Variants in TTC27 observed in about 807,000 individuals in gnomAD.
TTC27 encodes tetratricopeptide repeat domain 27.
A neutral mutation model predicts 115.9 loss-of-function variants in TTC27; 79 were observed. The observed-to-expected ratio is 0.68, with a 90% confidence interval of 0.57 to 0.82. The LOEUF is 0.82. Ranked by LOEUF, TTC27 falls within the 40% of genes least tolerant of loss-of-function variation. The probability of loss-of-function intolerance (pLI) is 0.00; values close to 1 mark genes in which losing one functional copy is unlikely to be tolerated. For synonymous variants in TTC27, 401 were observed against 356.0 expected (o/e 1.13, Z -1.42); for missense variants, 1,054 against 993.1 (o/e 1.06, Z -0.82).
At chr2:32,686,657 G>A (rs557580691) in intron 9 of TTC27, among the ~76,000 whole-genome samples, 3 of 151,772 alleles carry the variant, frequency 2.0e-5, no homozygotes, top group African/African-American at 2.4e-5. Context: ...CACCACGCCC[G>A]GCTGCTTCTG....
intron 10 of TTC27, among the ~76,000 whole-genome samples, chr2:32,708,304 G>GTTTTTTTTTTGTTTTT (rs1667450631): frequency 9.8e-5 from 6 of 61,348 alleles, no homozygotes; most frequent in Non-Finnish European, 1.6e-4. Context: ...TCTCTACCTT[G>GTTTTTTTTTTGTTTTT]TTTTTTTTTT....
intron 2 of TTC27, among the ~76,000 whole-genome samples, chr2:32,631,234 T>A (rs6716924): frequency 0.026 from 4,022 of 151,894 alleles, 111 homozygotes; most frequent in African/African-American, 0.073. Flanking sequence ...ACCTGGGAGG[T>A]GGAGGTTGTA....
At chr2:32,800,008 T>G (rs974686555) in intron 16 of TTC27, among the ~76,000 whole-genome samples, 1 of 152,338 alleles carries the variant, frequency 6.6e-6, no homozygotes, top group African/African-American at 2.4e-5. Context: ...CTGCGTCGCC[T>G]TGGGCAGGTT....
intron 12 of TTC27, among the ~76,000 whole-genome samples, chr2:32,753,418 C>T (rs1669084241): frequency 7.0e-6 from 1 of 143,656 alleles, no homozygotes; most frequent in Admixed American, 7.0e-5. Flanking sequence ...TCGGTTAATC[C>T]AATCAAATGC....
chr2:32,713,920 G>A (rs543945767), intron 10 of TTC27, among the ~76,000 whole-genome samples: 58 of 152,066 alleles, frequency 3.8e-4, no homozygotes, highest in African/African-American at 1.4e-3. Flanking sequence ...AGCTCCTTCC[G>A]CTCTCCACCC....
chr2:32,685,316 C>T (rs1445145971), intron 9 of TTC27, among the ~76,000 whole-genome samples: 1 of 152,114 alleles, frequency 6.6e-6, no homozygotes, highest in Non-Finnish European at 1.5e-5. Flanking sequence ...AGGCATGAGC[C>T]ACTGCGCCCA....
chr2:32,753,960 A>G (rs554097096), intron 12 of TTC27, among the ~76,000 whole-genome samples: 2 of 152,030 alleles, frequency 1.3e-5, no homozygotes, highest in South Asian at 4.2e-4. Flanking sequence ...CTGTAATCCC[A>G]GCTACTCGGG....
chr2:32,629,436 AT>A (rs999469925), intron 1 of TTC27, among the ~76,000 whole-genome samples: 1 of 150,116 alleles, frequency 6.7e-6, no homozygotes, highest in Non-Finnish European at 1.5e-5. Flanking sequence ...GCAATGATTT[AT>A]TTTTTTTATT....
At chr2:32,685,690 A>G (rs1006757025) in intron 9 of TTC27, among the ~76,000 whole-genome samples, 21 of 152,232 alleles carry the variant, frequency 1.4e-4, no homozygotes, top group Non-Finnish European at 1.0e-4. Context: ...CTTTCATTAT[A>G]AAAACTCTTA....
At chr2:32,670,706 C>G (rs1234502469) in intron 7 of TTC27, among the ~76,000 whole-genome samples, 1 of 152,120 alleles carries the variant, frequency 6.6e-6, no homozygotes, top group Non-Finnish European at 1.5e-5. Context: ...CAACCTCCAC[C>G]TCCCGGGTTC....
At chr2:32,706,471 A>G (rs1667372000) in intron 10 of TTC27, among the ~76,000 whole-genome samples, 1 of 152,156 alleles carries the variant, frequency 6.6e-6, no homozygotes, top group Non-Finnish European at 1.5e-5. Context: ...TTAAAAATAA[A>G]TCCACAGACA....
At chr2:32,753,786 C>G (rs1051082356) in intron 12 of TTC27, among the ~76,000 whole-genome samples, 11 of 152,102 alleles carry the variant, frequency 7.2e-5, no homozygotes, top group Admixed American at 7.2e-4. Context: ...TGAAACTGGG[C>G]CGGGCACAGT....
intron 10 of TTC27, among the ~76,000 whole-genome samples, chr2:32,726,780 A>T (rs1024861595): frequency 4.6e-5 from 7 of 152,200 alleles, no homozygotes; most frequent in Non-Finnish European, 8.8e-5. Flanking sequence ...GCTGATAAAG[A>T]CATGCCCAAG....
chr2:32,717,470 A>C (rs1254054061), intron 10 of TTC27, among the ~76,000 whole-genome samples: 1 of 151,986 alleles, frequency 6.6e-6, no homozygotes, highest in African/African-American at 2.4e-5. Context: ...TTCTCCACTG[A>C]TTTCTTTTTT....
At chr2:32,642,568 A>G (rs1177217725) in intron 4 of TTC27, among the ~76,000 whole-genome samples, 1 of 152,080 alleles carries the variant, frequency 6.6e-6, no homozygotes, top group Non-Finnish European at 1.5e-5. Flanking sequence ...TTGTTTTAAA[A>G]GAAGAGGTTA....
At chr2:32,655,422 A>G (rs904955127) in intron 5 of TTC27, among the ~76,000 whole-genome samples, 7 of 152,304 alleles carry the variant, frequency 4.6e-5, no homozygotes, top group South Asian at 4.1e-4. Context: ...GCGGAATTAA[A>G]GGCATAAGCC....
chr2:32,817,675 A>C (rs1301784147), intron 19 of TTC27, 118 bp downstream of exon 19: 5 of 874,206 alleles, frequency 5.7e-6, no homozygotes, highest in Non-Finnish European at 9.2e-6. Context: ...TGTTTTATTT[A>C]ATATAGCAGC....
At position 32,798,429 on chromosome 2, in the gene TTC27, C is replaced by T. The variant is rs182914947; in HGVS notation, c.1998+11280C>T. On this transcript the variant is annotated intron_variant, in intron 16 of 19. Coordinates refer to ENST00000317907, the MANE Select transcript of TTC27 (RefSeq NM_017735.5). Reference sequence around the variant, plus strand: ...AAAAGAAAGAAAGAAAATGGCTGGGCGCGGTGGCTCACGCCTGTAATCCCA... The same window carrying T: ...AAAAGAAAGAAAGAAAATGGCTGGGTGCGGTGGCTCACGCCTGTAATCCCA... Among the ~76,000 whole-genome samples the T allele has an allele frequency of 4.3e-3, 621 of 145,764 alleles. 2 individuals carry two copies. Among genetic ancestry groups the T allele is most frequent in the African/African-American group, 0.015 (589 of 39,228 alleles).
chr2:32,729,682 C>T (rs559035008), intron 10 of TTC27, among the ~76,000 whole-genome samples: 29 of 152,152 alleles, frequency 1.9e-4, no homozygotes, highest in African/African-American at 5.5e-4. Flanking sequence ...TTCTGGACCG[C>T]GCCCCAGGGG....
Sources: allele counts gnomAD v4.1 joint callset (sites outside exome capture counted in the v4.1 genomes callset), GRCh38; gene constraint gnomAD v4.1.1; transcripts MANE v1.5; gene names NCBI Gene and HGNC (gene_info 2026-07-23, HGNC 2026-07-21).